The following NUP58 variants were observed in gnomAD, a reference collection of about 807,000 sequenced individuals.
NUP58 encodes nucleoporin 58.
In NUP58, 17 loss-of-function variants were observed where a neutral mutation model predicts 70.1. That is an observed-to-expected ratio of 0.24 (90% CI 0.17 to 0.36). NUP58 has a LOEUF of 0.36. Among genes scored for constraint, NUP58 ranks in the 10% least tolerant of loss-of-function variants. The pLI is 1.00. For synonymous variants in NUP58, 275 were observed against 257.6 expected (o/e 1.07, Z -0.65); for missense variants, 644 against 701.5 (o/e 0.92, Z 0.93).
At chr13:25,306,791 G>T (rs2137716590) in intron 1 of NUP58, among the ~76,000 whole-genome samples, 2 of 152,262 alleles carry the variant, frequency 1.3e-5, no homozygotes, top group South Asian at 4.1e-4. Context: ...CTTGATAAGA[G>T]TAGTTGAAAA....
intron 13 of NUP58, chr13:25,334,470 G>A (rs1196938073): frequency 2.0e-6 from 2 of 985,040 alleles, no homozygotes; most frequent in African/African-American, 3.5e-5. Context: ...TTAAGGTGTA[G>A]TGTTAAATAG....
rs368685064 is a variant in NUP58, at chr13:25,331,503, C to T, written c.1380C>T (p.Asn460=). ...TGPTPFSTMP[N]AAAVAMAATL... ...CCACTCCTTTCAGCACCATGCCAAA[C>T]GCAGCAGCCGTTGCCATGGCTGCAA... Residue 460 remains asparagine (N), a synonymous_variant, in exon 13 of 16, where the codon AAC becomes AAT. Coordinates refer to ENST00000381736, the MANE Select transcript of NUP58 (RefSeq NM_014089.4). 20 of 1,613,944 alleles carry T rather than the reference C, an allele frequency of 1.2e-5. No individual in the cohort carries two copies. Among genetic ancestry groups the T allele is most frequent in the African/African-American group, 6.7e-5 (5 of 74,918 alleles).
intron 6 of NUP58, among the ~76,000 whole-genome samples, chr13:25,318,311 G>A (rs1352904876): frequency 6.6e-6 from 1 of 152,066 alleles, no homozygotes; most frequent in Admixed American, 6.5e-5. Flanking sequence ...CTGGGCACTA[G>A]AGTGAGACTC....
intron 1 of NUP58, among the ~76,000 whole-genome samples, chr13:25,307,566 T>A (rs2030435059): frequency 6.6e-6 from 1 of 152,362 alleles, no homozygotes; most frequent in South Asian, 2.1e-4. Context: ...GATTTATTTT[T>A]TTTTAAGACT....
downstream of NUP58, among the ~76,000 whole-genome samples, chr13:25,343,843 GCACACACACACATACATA>G (rs2032014739): frequency 7.2e-6 from 1 of 139,532 alleles, no homozygotes; most frequent in Non-Finnish European, 1.5e-5. Flanking sequence ...ATATATATAC[GCACACACACACATACATA>G]CACACACACA....
At chr13:25,303,069 C>T (rs201886011) in intron 1 of NUP58, 123 of 456,518 alleles carry the variant, frequency 2.7e-4, no homozygotes, top group African/African-American at 2.2e-3. Flanking sequence ...TGATTCTTGT[C>T]AGATTTTTAA....
chr13:25,340,308 T>C lies in NUP58; in HGVS notation c.*174T>C. The C allele has an allele frequency of 3.6e-6, 2 of 562,362 alleles. No individual in the cohort carries two copies. The highest frequency in any genetic ancestry group is 3.6e-5 in the South Asian group (1 of 27,430). The allele number at this position is 562,362 out of a possible 1,614,324, so 34.8% of individuals were successfully genotyped here. On this transcript the variant is annotated 3_prime_UTR_variant, in exon 16 of 16. Transcript: ENST00000381736. Reference sequence around the variant, plus strand: ...TTTGCCATACTGAACATCTTTTTTCTTGTGGAATTTAAAGTCCAGCTGTGT... The same window carrying C: ...TTTGCCATACTGAACATCTTTTTTCCTGTGGAATTTAAAGTCCAGCTGTGT...
At chr13:25,332,664 T>C (rs545598944) in intron 13 of NUP58, 1 of 985,438 alleles carries the variant, frequency 1.0e-6, no homozygotes, top group Middle Eastern at 5.2e-4. Flanking sequence ...TGACTTGCCA[T>C]AAGTAAAGGG....
At position 25,320,942 on chromosome 13, in the gene NUP58, A is replaced by G; in HGVS notation, c.800A>G (p.Gln267Arg). The G allele has an allele frequency of 6.4e-7, 1 of 1,559,028 alleles. No homozygotes were observed. The highest frequency in any genetic ancestry group is 8.6e-7 in the Non-Finnish European group (1 of 1,160,800). The change falls in exon 9 of 16, where the codon CAA becomes CGA. Residue 267 changes from glutamine (Q) to arginine (R), a missense_variant. By Grantham distance (43) the Gln-to-Arg change is conservative. Transcript: ENST00000381736. ...AGGAAATTTGTGAAGGAGCAGAAAC[A>G]AGTTCAAGAAGAAATTAGTAGAATG... The part of the protein sequence containing the change: ...NLQKFVKEQK[Q>R]VQEEISRMSS...
intron 3 of NUP58, among the ~76,000 whole-genome samples, chr13:25,347,726 T>TA (rs2032066464): frequency 2.0e-5 from 3 of 152,208 alleles, no homozygotes; most frequent in African/African-American, 7.2e-5. Context: ...CAGAAGGCCA[T>TA]AATGGAGCTT....
chr13:25,334,060 AG>A, intron 13 of NUP58: 1 of 985,236 alleles, frequency 1.0e-6, no homozygotes, highest in Non-Finnish European at 1.2e-6. Flanking sequence ...TTAATGAAAA[AG>A]TATACTAGGG....
chr13:25,310,705 C>G (rs1183519103), intron 3 of NUP58, among the ~76,000 whole-genome samples: 2 of 152,046 alleles, frequency 1.3e-5, no homozygotes, highest in Non-Finnish European at 2.9e-5. Context: ...GATTTCAAAG[C>G]ACTGCACTCT....
At chr13:25,336,376 A>T (rs753914574) in intron 13 of NUP58, 1 of 762,412 alleles carries the variant, frequency 1.3e-6, no homozygotes, top group Non-Finnish European at 1.9e-6. Flanking sequence ...CTTATTGTAT[A>T]TATCATTTAT....
In NUP58 at chr13:25,309,282, G is replaced by C. The variant is rs541324584; in HGVS notation, c.286G>C (p.Gly96Arg). ...AACTATAACTACAGGATTAACTCTG[G>C]GTAAGAATTTTTGAGGAAAGATCCC... Reference protein sequence around the residue: ...ATTITTGLTLGTPATTSAATT... With the variant: ...ATTITTGLTLRTPATTSAATT... The change falls in exon 3 of 16, where the codon GGA becomes CGA. Residue 96 changes from glycine to arginine, a missense_variant and splice_region_variant. Coordinates refer to ENST00000381736, the MANE Select transcript of NUP58 (RefSeq NM_014089.4). 10 of 1,605,288 alleles carry C rather than the reference G, an allele frequency of 6.2e-6. No individual in the cohort carries two copies. In the East Asian group the frequency reaches 2.0e-4, roughly 32 times the overall value.
chr13:25,317,156 G>A (rs1438809327), intron 6 of NUP58, among the ~76,000 whole-genome samples: 2 of 152,084 alleles, frequency 1.3e-5, no homozygotes, highest in Non-Finnish European at 2.9e-5. Context: ...AGTGAAGAGG[G>A]GACAGCGTCA....
intron 5 of NUP58, 22 bp from the exon 6 acceptor site, chr13:25,315,335 A>G (rs758376607): frequency 1.3e-5 from 20 of 1,535,904 alleles, no homozygotes; most frequent in Non-Finnish European, 1.6e-5. Context: ...GATGGAATTT[A>G]TAAGTTATGT....
rs1162151735 is a variant in NUP58 at position 25,340,559 on chromosome 13, T to G, written c.*425T>G. The G allele has an allele frequency of 6.5e-6, 1 of 153,524 alleles. No homozygotes were observed. The highest frequency in any genetic ancestry group is 1.4e-5 in the Non-Finnish European group (1 of 69,048). 9.5% of individuals were successfully genotyped at this position (153,524 alleles called of 1,614,324 possible). ...TTGTTAAAGGCCTTTTGAATTATAC[T>G]GCAGGGCATCTTGTGAATATGTATG... On this transcript the variant is annotated 3_prime_UTR_variant, in exon 16 of 16. Transcript: ENST00000381736.
chr13:25,312,423 A>AGT (rs988721962), intron 3 of NUP58, among the ~76,000 whole-genome samples: 1 of 152,160 alleles, frequency 6.6e-6, no homozygotes, highest in Non-Finnish European at 1.5e-5. Flanking sequence ...GCTGGAGTGC[A>AGT]GTGGCACGAT....
intron 1 of NUP58, among the ~76,000 whole-genome samples, chr13:25,305,147 T>TTGTTTG (rs1555253623): frequency 0.019 from 2,333 of 125,718 alleles, 68 homozygotes; most frequent in African/African-American, 0.042. Flanking sequence ...TTTTTTTTTT[T>TTGTTTG]TTTTTTTTTT....
Sources: allele counts gnomAD v4.1 joint callset (sites outside exome capture counted in the v4.1 genomes callset), GRCh38; gene constraint gnomAD v4.1.1; transcripts MANE v1.5; gene names NCBI Gene and HGNC (gene_info 2026-07-23, HGNC 2026-07-21).